Variants in MYO5A observed in about 807,000 individuals in gnomAD.
MYO5A encodes the protein unconventional myosin-Va.
MYO5A carries 98 observed loss-of-function variants against 249.7 expected under a neutral mutation model. The observed-to-expected ratio is 0.39, with a 90% confidence interval of 0.33 to 0.46. The LOEUF is 0.46. Ranked by LOEUF, MYO5A falls within the 20% of genes least tolerant of loss-of-function variation. MYO5A has a pLI of 0.98. For missense variants in MYO5A, 1,696 were observed against 2,308.8 expected (o/e 0.73, Z 5.44); for synonymous variants, 778 against 810.6 (o/e 0.96, Z 0.68).
At chr15:52,328,744 C>T (rs968956564) in intron 35 of MYO5A, among the ~76,000 whole-genome samples, 4 of 152,226 alleles carry the variant, frequency 2.6e-5, no homozygotes, top group African/African-American at 9.6e-5. Context: ...AAGCCAAAAT[C>T]CTCACCATAG....
intron 1 of MYO5A, among the ~76,000 whole-genome samples, chr15:52,486,133 C>G (rs529144001): frequency 6.6e-6 from 1 of 152,174 alleles, no homozygotes; most frequent in African/African-American, 2.4e-5. Flanking sequence ...GTCCCTCTTA[C>G]AAGCGAGGTT....
At chr15:52,514,769 T>G in intron 1 of MYO5A, among the ~76,000 whole-genome samples, 1 of 152,186 alleles carries the variant, frequency 6.6e-6, no homozygotes, top group East Asian at 1.9e-4. Flanking sequence ...AGATTCCTAG[T>G]AATTCAGATG....
rs552586585 is a variant in MYO5A at position 52,451,190 on chromosome 15, C to T, written c.28-17905G>A. Among the ~76,000 whole-genome samples, 350 of 152,194 alleles carry T rather than the reference C, an allele frequency of 2.3e-3. 1 individual carries two copies. Among genetic ancestry groups the T allele is most frequent in the South Asian group, 6.6e-3 (32 of 4,822 alleles). ...CAGCATTCCCATCTCAGACAGGCAC[C>T]TCTACGCAGATAGTTGCTCCTGGGA... On this transcript the variant is annotated intron_variant, in intron 1 of 41. Transcript: ENST00000399233.
At chr15:52,518,714 C>A (rs992168254) in intron 1 of MYO5A, among the ~76,000 whole-genome samples, 4 of 152,250 alleles carry the variant, frequency 2.6e-5, no homozygotes, top group Admixed American at 2.0e-4. Context: ...GTATGGTAAG[C>A]TAAAAAACTA....
intron 1 of MYO5A, among the ~76,000 whole-genome samples, chr15:52,475,545 A>G (rs187419809): frequency 1.3e-5 from 2 of 152,274 alleles, no homozygotes; most frequent in East Asian, 3.9e-4. Context: ...ATTTCCCTCT[A>G]CACACTGCTT....
intron 1 of MYO5A, among the ~76,000 whole-genome samples, chr15:52,455,613 A>G (rs2076101955): frequency 6.6e-6 from 1 of 152,160 alleles, no homozygotes; most frequent in Non-Finnish European, 1.5e-5. Context: ...ATCATTCACC[A>G]TAATCAAGTG....
chr15:52,528,708 C>A, intron 1 of MYO5A, 72 bp downstream of exon 1: 1 of 1,464,380 alleles, frequency 6.8e-7, no homozygotes, highest in Non-Finnish European at 9.0e-7. Context: ...CTCCCGCCCC[C>A]TCCCCAGCCT....
chr15:52,331,597 C>G (rs754286709), intron 34 of MYO5A: 4 of 840,454 alleles, frequency 4.8e-6, no homozygotes, highest in Non-Finnish European at 5.7e-6. Context: ...GCTGACTCCA[C>G]GAGGTGTCAG....
At chr15:52,450,855 T>TTGTTTGTTTGTTTTTTG (rs60823450) in intron 1 of MYO5A, among the ~76,000 whole-genome samples, 4 of 144,372 alleles carry the variant, frequency 2.8e-5, no homozygotes, top group East Asian at 4.1e-4. Context: ...TTTTTTTTTT[T>TTGTTTGTTTGTTTTTTG]TTTTTTTTTT....
chr15:52,354,502 G>T (rs530143664), intron 25 of MYO5A, among the ~76,000 whole-genome samples: 103 of 152,252 alleles, frequency 6.8e-4, no homozygotes, highest in Non-Finnish European at 1.3e-3. Flanking sequence ...CAGTCAATAG[G>T]ACAGTTGCTT....
chr15:52,433,414 T>C, intron 1 of MYO5A, 129 bp from the exon 2 acceptor site: 1 of 49,924 alleles, frequency 2.0e-5, no homozygotes. Context: ...TGAAATTCAC[T>C]TTTTTTTTTT....
At chr15:52,449,575 G>A (rs562388648) in intron 1 of MYO5A, among the ~76,000 whole-genome samples, 96 of 152,258 alleles carry the variant, frequency 6.3e-4, no homozygotes, top group African/African-American at 2.1e-3. Flanking sequence ...GCCTGGCATG[G>A]TTCCTTCCTG....
At chr15:52,318,925 T>C (rs1160683740) in intron 39 of MYO5A, 135 bp downstream of exon 39, 34 of 1,147,892 alleles carry the variant, frequency 3.0e-5, no homozygotes, top group Non-Finnish European at 3.8e-5. Context: ...CCGTGCCAGT[T>C]TCTCCCTTGC....
At chr15:52,315,672 C>T (rs2037972176) in intron 40 of MYO5A, among the ~76,000 whole-genome samples, 1 of 151,218 alleles carries the variant, frequency 6.6e-6, no homozygotes, top group Admixed American at 6.6e-5. Context: ...GCACGCCTGG[C>T]CTACTGATTT....
rs1421271321 is a variant in MYO5A at position 52,310,062 on chromosome 15, T to C, written c.*3634A>G. On this transcript the variant is annotated 3_prime_UTR_variant, in exon 42 of 42. Coordinates refer to ENST00000399233, the MANE Select transcript of MYO5A (RefSeq NM_001382347.1). ...AGATTTGATCTATATTACACATAAT[T>C]ACTCACCCAGAAAGAGCCAACTATG... The C allele has an allele frequency of 6.6e-6, 1 of 152,214 alleles. No homozygotes were observed. The highest frequency in any genetic ancestry group is 2.1e-4 in the South Asian group (1 of 4,826). 9.4% of individuals were successfully genotyped at this position (152,214 alleles called of 1,614,324 possible). A position where few individuals can be genotyped will look rare whatever the true frequency, so the allele number is the denominator to read the frequency against.
rs117674589 is a variant in MYO5A at position 52,524,546 on chromosome 15, C to G, written c.27+4234G>C. Among the ~76,000 whole-genome samples, 189 of 131,556 alleles carry G rather than the reference C, an allele frequency of 1.4e-3. 5 individuals carry two copies. In the East Asian group the frequency reaches 0.03, roughly 21 times the overall value. 86.3% of individuals were successfully genotyped at this position (131,556 alleles called of 152,430 possible). A position where few individuals can be genotyped will look rare whatever the true frequency, so the allele number is the denominator to read the frequency against. On this transcript the variant is annotated intron_variant, in intron 1 of 41. Coordinates refer to ENST00000399233, the MANE Select transcript of MYO5A (RefSeq NM_001382347.1). ...CTCAGCCTGGACAACAGAGTGAGAC[C>G]CTGAACCTAAATAAATAAATAAATA...
At chr15:52,338,622 G>A (rs1013508048) in intron 32 of MYO5A, among the ~76,000 whole-genome samples, 3 of 152,222 alleles carry the variant, frequency 2.0e-5, no homozygotes, top group African/African-American at 7.2e-5. Flanking sequence ...AGTAGTCAGT[G>A]TGATGGCAGG....
chr15:52,478,430 G>A (rs1423617533), intron 1 of MYO5A, among the ~76,000 whole-genome samples: 1 of 152,088 alleles, frequency 6.6e-6, no homozygotes, highest in Non-Finnish European at 1.5e-5. Context: ...TGCACCCACT[G>A]TCCGACAAGC....
At chr15:52,424,275 A>G (rs572978672) in intron 4 of MYO5A, among the ~76,000 whole-genome samples, 1 of 152,338 alleles carries the variant, frequency 6.6e-6, no homozygotes, top group Non-Finnish European at 1.5e-5. Flanking sequence ...GTGCTAACCT[A>G]TGTTTAGTCA....
Sources: allele counts gnomAD v4.1 joint callset (sites outside exome capture counted in the v4.1 genomes callset), GRCh38; gene constraint gnomAD v4.1.1; transcripts MANE v1.5; gene names NCBI Gene and HGNC (gene_info 2026-07-23, HGNC 2026-07-21).